The following DNAJC15 variants were observed in gnomAD, a reference collection of about 807,000 sequenced individuals.
The protein encoded by DNAJC15 is dnaJ homolog subfamily C member 15.
DNAJC15 carries 27 observed loss-of-function variants against 22.4 expected under a neutral mutation model. The observed-to-expected ratio is 1.20, with a 90% CI of 0.89 to 1.66. DNAJC15 has a LOEUF of 1.66. Among genes scored for constraint, DNAJC15 ranks in the 40% most tolerant of loss-of-function variants. The probability of loss-of-function intolerance (pLI) is 0.00; values close to 1 mark genes in which losing one functional copy is unlikely to be tolerated. For synonymous variants in DNAJC15, 79 were observed against 63.2 expected (o/e 1.25, Z -1.19); for missense variants, 208 against 187.1 (o/e 1.11, Z -0.65).
At chr13:43,039,629 A>G (rs2040443991) in intron 1 of DNAJC15, among the ~76,000 whole-genome samples, 1 of 152,240 alleles carries the variant, frequency 6.6e-6, no homozygotes, top group Non-Finnish European at 1.5e-5. Context: ...ATTTCAGTAC[A>G]ATAATAAAAT....
chr13:43,098,413 A>T (rs1343765238), intron 5 of DNAJC15, among the ~76,000 whole-genome samples: 1 of 152,222 alleles, frequency 6.6e-6, no homozygotes, highest in Non-Finnish European at 1.5e-5. Context: ...TAGGGATGTC[A>T]TAGAAGGAAT....
chr13:43,107,257 G>A lies in DNAJC15; in HGVS notation c.*9G>A, dbSNP rs1478684697. 10 of 1,529,688 alleles carry A rather than the reference G, an allele frequency of 6.5e-6. No individual in the cohort carries two copies. The Admixed American group carries it at 1.4e-4, about 21-fold the overall frequency. 94.8% of individuals were successfully genotyped at this position (1,529,688 alleles called of 1,614,324 possible). ...CAACCACCAAACATTGATGCTTAAGGACCACACTGAAGGAAAAAAAAAGAG... is the reference window on the plus strand; with the variant it reads ...CAACCACCAAACATTGATGCTTAAGAACCACACTGAAGGAAAAAAAAAGAG... On this transcript the variant is annotated 3_prime_UTR_variant, in exon 6 of 6. Transcript: ENST00000379221.
chr13:43,023,638 T>G lies in DNAJC15; in HGVS notation c.12T>G (p.Arg4=). The change falls in exon 1 of 6, where the codon CGT becomes CGG. Residue 4 remains arginine (R), a synonymous_variant. Coordinates refer to ENST00000379221, the MANE Select transcript of DNAJC15 (RefSeq NM_013238.3). ...CGGGCCGCCTTGCCATGGCTGCCCG[T>G]GGTGTCATCGCTCCAGTTGGCGAGA... is the stretch of plus-strand genomic sequence containing the variant. MAA[R]GVIAPVGESL... is the part of the protein sequence containing the mutation. The G allele has an allele frequency of 6.2e-7, 1 of 1,611,310 alleles. No individual in the cohort carries two copies. The highest frequency in any genetic ancestry group is 8.5e-7 in the Non-Finnish European group (1 of 1,178,968).
chr13:43,078,577 A>C, intron 3 of DNAJC15, 35 bp from the exon 4 acceptor site: 1 of 1,585,208 alleles, frequency 6.3e-7, no homozygotes, highest in Non-Finnish European at 8.7e-7. Flanking sequence ...TCATACGTGG[A>C]ACTAATGATT....
intron 1 of DNAJC15, among the ~76,000 whole-genome samples, chr13:43,051,047 T>C (rs1174723863): frequency 6.6e-6 from 1 of 152,220 alleles, no homozygotes; most frequent in Non-Finnish European, 1.5e-5. Flanking sequence ...CAATCTCAGC[T>C]CACTGCAACC....
chr13:43,036,654 T>TGAAA (rs2040430339), intron 1 of DNAJC15, among the ~76,000 whole-genome samples: 1 of 152,178 alleles, frequency 6.6e-6, no homozygotes, highest in Admixed American at 6.5e-5. Flanking sequence ...ACTTTCAACC[T>TGAAA]CTTGCTGCCA....
At chr13:43,092,066 C>G (rs1259724041) in intron 5 of DNAJC15, among the ~76,000 whole-genome samples, 1 of 152,176 alleles carries the variant, frequency 6.6e-6, no homozygotes, top group African/African-American at 2.4e-5. Flanking sequence ...TGTCTGCCTA[C>G]TCCATTATCT....
At chr13:43,074,887 A>G (rs2040625666) in intron 3 of DNAJC15, among the ~76,000 whole-genome samples, 1 of 152,174 alleles carries the variant, frequency 6.6e-6, no homozygotes, top group African/African-American at 2.4e-5. Flanking sequence ...TGAGCCCTCC[A>G]TGTCTGCAAT....
At chr13:43,037,025 C>T (rs2040431983) in intron 1 of DNAJC15, among the ~76,000 whole-genome samples, 1 of 152,154 alleles carries the variant, frequency 6.6e-6, no homozygotes, top group African/African-American at 2.4e-5. Flanking sequence ...AGCACTGGCT[C>T]CTACCCTGCC....
intron 1 of DNAJC15, among the ~76,000 whole-genome samples, chr13:43,055,167 C>T (rs1255673133): frequency 2.6e-5 from 4 of 151,858 alleles, no homozygotes; most frequent in Non-Finnish European, 4.4e-5. Flanking sequence ...CAGAAACTCT[C>T]CCTCTCAGAT....
intron 1 of DNAJC15, among the ~76,000 whole-genome samples, chr13:43,026,581 A>T (rs2040381819): frequency 6.6e-6 from 1 of 152,190 alleles, no homozygotes; most frequent in African/African-American, 2.4e-5. Flanking sequence ...AGCAATGAGA[A>T]GCTGACAAAA....
intron 5 of DNAJC15, among the ~76,000 whole-genome samples, chr13:43,091,961 A>G (rs971128019): frequency 1.3e-5 from 2 of 152,210 alleles, no homozygotes; most frequent in Non-Finnish European, 2.9e-5. Flanking sequence ...CTTGAACAGA[A>G]TGTATATTCT....
intron 3 of DNAJC15, among the ~76,000 whole-genome samples, chr13:43,071,386 C>T (rs181709527): frequency 1.3e-5 from 2 of 152,112 alleles, no homozygotes; most frequent in Non-Finnish European, 2.9e-5. Flanking sequence ...TAAGAAACTT[C>T]GCCTTCAATA....
At chr13:43,090,514 A>G (rs557797862) in intron 5 of DNAJC15, among the ~76,000 whole-genome samples, 1 of 152,304 alleles carries the variant, frequency 6.6e-6, no homozygotes, top group South Asian at 2.1e-4. Flanking sequence ...ACATAGACTT[A>G]GGCAAAGATT....
intron 1 of DNAJC15, among the ~76,000 whole-genome samples, chr13:43,048,995 G>A (rs1000122674): frequency 6.6e-6 from 1 of 151,010 alleles, no homozygotes; most frequent in East Asian, 1.9e-4. Context: ...GCCTCATATG[G>A]CATCCATATT....
chr13:43,088,946 T>G (rs1487140015), intron 5 of DNAJC15, among the ~76,000 whole-genome samples: 1 of 152,128 alleles, frequency 6.6e-6, no homozygotes, highest in Non-Finnish European at 1.5e-5. Context: ...GTTAACTAAT[T>G]TTTTTGGTAA....
In DNAJC15 at chr13:43,113,682, T is replaced by A. The variant is rs1593337532; in HGVS notation, c.*6434T>A. 1 of 152,250 alleles carries A rather than the reference T, an allele frequency of 6.6e-6. No homozygotes were observed. Among genetic ancestry groups the A allele is most frequent in the South Asian group, 2.1e-4 (1 of 4,832 alleles). 9.4% of individuals were successfully genotyped at this position (152,250 alleles called of 1,614,324 possible). A position where few individuals can be genotyped will look rare whatever the true frequency, so the allele number is the denominator to read the frequency against. ...TCTTTCCATTTATCTATTCTTGGATTAGTGGTGCCTTTGCTCTTTCCTTCT... is the reference window on the plus strand; with the variant it reads ...TCTTTCCATTTATCTATTCTTGGATAAGTGGTGCCTTTGCTCTTTCCTTCT... On this transcript the variant is annotated 3_prime_UTR_variant, in exon 6 of 6. Transcript: ENST00000379221.
rs944112853 is a variant in DNAJC15 at position 43,112,207 on chromosome 13, C to G, written c.*4959C>G. 2.6e-5 allele frequency: 4 copies of G among 152,214 alleles called. No individual in the cohort carries two copies. Among genetic ancestry groups the G allele is most frequent in the Non-Finnish European group, 5.9e-5 (4 of 68,028 alleles). The allele number at this position is 152,214 out of a possible 1,614,324, so 9.4% of individuals were successfully genotyped here. ...TTTCTTTTGTATTAAAAACCCTGCT[C>G]AATTGAAATGCAAGTTCATTAAGTA... is the stretch of plus-strand genomic sequence containing the variant. On this transcript the variant is annotated 3_prime_UTR_variant, in exon 6 of 6. Coordinates refer to ENST00000379221, the MANE Select transcript of DNAJC15 (RefSeq NM_013238.3).
rs9594878 is a variant in DNAJC15 at position 43,077,253 on chromosome 13, T to G, written c.235-1359T>G. ...GTCATTAAATGGCAATTTGGCAGTT[T>G]AGGCCAGAAACCTTGAAGTCATTTG... On this transcript the variant is annotated intron_variant, in intron 3 of 5. Transcript: ENST00000379221. 6.0e-3 allele frequency among the ~76,000 whole-genome samples: 915 copies of G among 152,336 alleles called. 3 individuals are homozygous for G. Among genetic ancestry groups the G allele is most frequent in the African/African-American group, 0.021 (856 of 41,574 alleles).
Sources: gnomAD v4.1 joint callset for allele counts (sites outside exome capture counted in the v4.1 genomes callset) on GRCh38, gnomAD v4.1.1 for gene constraint, MANE v1.5 for transcripts, NCBI Gene and HGNC (gene_info 2026-07-23, HGNC 2026-07-21) for gene names.